The following NSA2 variants were observed in gnomAD, a reference collection of about 807,000 sequenced individuals.
The protein encoded by NSA2 is NSA2 ribosome biogenesis factor.
Under a neutral mutation model 34.8 loss-of-function variants are expected in NSA2, and 18 were observed. That is an observed-to-expected ratio of 0.52 (90% CI 0.36 to 0.77). The LOEUF (loss-of-function observed/expected upper bound fraction) is 0.77, where lower values mean the gene tolerates loss of function less well. Ranked by LOEUF, NSA2 falls within the 30% of genes least tolerant of loss-of-function variation. NSA2 has a pLI of 0.00. For missense variants in NSA2, 188 were observed against 314.7 expected, an observed-to-expected ratio of 0.60 and a Z score of 3.05; for synonymous variants, 79 against 100.2, an observed-to-expected ratio of 0.79 and a Z score of 1.26.
At chr5:74,776,095 G>T (rs1745107960) in intron 5 of NSA2, among the ~76,000 whole-genome samples, 1 of 152,206 alleles carries the variant, frequency 6.6e-6, no homozygotes. Context: ...AACACTATTT[G>T]TATGAAAATT....
rs1175773194 is a variant in NSA2, at chr5:74,778,852, C to T, written c.*2181C>T. ...CTGGACATTCAACAACTAGACTAGCCGGTTGAAATCACATTTTCAGTCCTC... is the reference window on the plus strand; with the variant it reads ...CTGGACATTCAACAACTAGACTAGCTGGTTGAAATCACATTTTCAGTCCTC... On this transcript the variant is annotated 3_prime_UTR_variant, in exon 6 of 6. Transcript: ENST00000610426. The T allele has an allele frequency of 3.3e-5, 5 of 152,140 alleles. No homozygotes were observed. The highest frequency in any genetic ancestry group is 4.1e-4 in the South Asian group (2 of 4,830). The allele number at this position is 152,140 out of a possible 1,614,324, so 9.4% of individuals were successfully genotyped here. A position where few individuals can be genotyped will look rare whatever the true frequency, so the allele number is the denominator to read the frequency against.
intron 5 of NSA2, among the ~76,000 whole-genome samples, chr5:74,774,675 ATAT>A (rs1745054280): frequency 6.6e-6 from 1 of 152,288 alleles, no homozygotes; most frequent in Non-Finnish European, 1.5e-5. Context: ...TAACTAAGAA[ATAT>A]TATAAGAAAA....
rs377653033 is a variant in NSA2 at position 74,773,755 on chromosome 5, T to G, written c.523-113T>G. On this transcript the variant is annotated intron_variant, in intron 4 of 5. Transcript: ENST00000610426. ...TTTGTTAGCTTCTTTAAGATGACAT[T>G]ATTCAACCATAGTTTTTTGGAGATG... 33 of 746,380 alleles carry G rather than the reference T, an allele frequency of 4.4e-5. No homozygotes were observed. In the South Asian group the frequency reaches 7.0e-4, roughly 16 times the overall value. 46.2% of individuals were successfully genotyped at this position (746,380 alleles called of 1,614,324 possible).
At chr5:74,774,912 G>A (rs1031191607) in intron 5 of NSA2, among the ~76,000 whole-genome samples, 69 of 152,058 alleles carry the variant, frequency 4.5e-4, no homozygotes, top group African/African-American at 1.7e-3. Context: ...TCTGTCCCAC[G>A]TAGGTAAACT....
intron 1 of NSA2, 27 bp downstream of exon 1, chr5:74,767,390 GAC>G (rs1744714458): frequency 6.2e-7 from 1 of 1,611,788 alleles, no homozygotes; most frequent in Non-Finnish European, 8.5e-7. Flanking sequence ...GGACGCTCGC[GAC>G]ACACAGCGTC....
intron 4 of NSA2, among the ~76,000 whole-genome samples, chr5:74,771,856 AAAAAAAAAAAAAAG>A (rs1381629508): frequency 4.0e-5 from 3 of 75,106 alleles, no homozygotes; most frequent in African/African-American, 2.1e-4. Flanking sequence ...TCTGTCTCAA[AAAAAAAAAAAAAAG>A]AAAAAAAGAA....
chr5:74,772,580 A>C (rs984989446), intron 4 of NSA2, among the ~76,000 whole-genome samples: 2 of 152,216 alleles, frequency 1.3e-5, no homozygotes, highest in African/African-American at 2.4e-5. Context: ...GACAAAGCCT[A>C]AAGTGTTTAC....
At position 74,776,741 on chromosome 5, in the gene NSA2, T is replaced by C; in HGVS notation, c.*70T>C. ...GAAACTGCCATTACTGTGATGTTTC[T>C]GAATACTACCAAACAGCCATACATG... On this transcript the variant is annotated 3_prime_UTR_variant, in exon 6 of 6. Transcript: ENST00000610426. The C allele has an allele frequency of 1.2e-6, 1 of 812,676 alleles. No homozygotes were observed. The highest frequency in any genetic ancestry group is 2.2e-6 in the Non-Finnish European group (1 of 458,086). 50.3% of individuals were successfully genotyped at this position (812,676 alleles called of 1,614,324 possible).
chr5:74,772,626 C>T (rs921245587), intron 4 of NSA2, among the ~76,000 whole-genome samples: 9 of 152,092 alleles, frequency 5.9e-5, no homozygotes, highest in African/African-American at 1.4e-4. Flanking sequence ...TTGCCCACCC[C>T]GGATTATATC....
chr5:74,771,724 G>C (rs1438443967), intron 4 of NSA2: 1 of 151,692 alleles, frequency 6.6e-6, no homozygotes, highest in Admixed American at 6.6e-5. Flanking sequence ...CATGGTGGCG[G>C]GCGCCTGTAG....
intron 1 of NSA2, 144 bp from the exon 2 acceptor site, chr5:74,768,787 G>A (rs1744809740): frequency 1.6e-6 from 1 of 608,746 alleles, no homozygotes; most frequent in Non-Finnish European, 2.7e-6. Flanking sequence ...CTTACATCAT[G>A]TGAATAAACT....
At chr5:74,774,455 T>C (rs1480400222) in intron 5 of NSA2, among the ~76,000 whole-genome samples, 2 of 151,734 alleles carry the variant, frequency 1.3e-5, no homozygotes, top group Non-Finnish European at 1.5e-5. Flanking sequence ...TACAAAAAAA[T>C]CAGCCGGGTG....
chr5:74,770,568 A>G, intron 3 of NSA2, 63 bp from the exon 4 acceptor site: 1 of 1,292,912 alleles, frequency 7.7e-7, no homozygotes, highest in Non-Finnish European at 1.1e-6. Flanking sequence ...ACTAAAACAT[A>G]TTTGACTTAT....
chr5:74,767,257 C>G lies in NSA2; in HGVS notation c.-104C>G, dbSNP rs1216018780. 3.5e-6 allele frequency: 5 copies of G among 1,422,482 alleles called. No homozygotes were observed. The highest frequency in any genetic ancestry group is 2.9e-5 in the African/African-American group (2 of 69,954). 88.1% of individuals were successfully genotyped at this position (1,422,482 alleles called of 1,614,324 possible). A position where few individuals can be genotyped will look rare whatever the true frequency, so the allele number is the denominator to read the frequency against. ...GGCCGTTTTAAAGGGTGACTCTTTC[C>G]TGTCCCGGCCTGCGTGGTGTGGGCT... is the stretch of plus-strand genomic sequence containing the variant. On this transcript the variant is annotated 5_prime_UTR_variant, in exon 1 of 6. Transcript: ENST00000610426.
In NSA2 at chr5:74,779,759, C is replaced by A. The variant is rs1269658378; in HGVS notation, c.*3088C>A. ...ATAGGGTAATACAATTGTTCAAAAT[C>A]TAACACAAATAGGAGCGTTTACTAT... On this transcript the variant is annotated 3_prime_UTR_variant, in exon 6 of 6. Transcript: ENST00000610426. 1.3e-5 allele frequency: 2 copies of A among 152,044 alleles called. No individual in the cohort carries two copies. The highest frequency in any genetic ancestry group is 4.8e-5 in the African/African-American group (2 of 41,398). 9.4% of individuals were successfully genotyped at this position (152,044 alleles called of 1,614,324 possible).
intron 1 of NSA2, 150 bp from the exon 2 acceptor site, chr5:74,768,781 C>A: frequency 1.7e-6 from 1 of 585,534 alleles, no homozygotes; most frequent in Non-Finnish European, 2.8e-6. Context: ...ATTTAACTTA[C>A]ATCATGTGAA....
At chr5:74,774,133 TAATAA>T (rs1307712524) in intron 5 of NSA2, 73 bp downstream of exon 5, 6 of 1,019,944 alleles carry the variant, frequency 5.9e-6, no homozygotes, top group African/African-American at 3.2e-5. Context: ...GTTGATGTAT[TAATAA>T]AATATACAGC....
At chr5:74,770,939 TTTG>T in intron 4 of NSA2, 129 bp downstream of exon 4, 1 of 780,402 alleles carries the variant, frequency 1.3e-6, no homozygotes, top group Admixed American at 3.6e-5. Context: ...TTATGCAATT[TTTG>T]TTATTTTATT....
chr5:74,774,586 A>G (rs1745050323), intron 5 of NSA2, among the ~76,000 whole-genome samples: 1 of 152,198 alleles, frequency 6.6e-6, no homozygotes, highest in Admixed American at 6.5e-5. Flanking sequence ...ACTGGGAGAC[A>G]GAGCAAATCT....
Sources: allele counts gnomAD v4.1 joint callset (sites outside exome capture counted in the v4.1 genomes callset), GRCh38; gene constraint gnomAD v4.1.1; transcripts MANE v1.5; gene names NCBI Gene and HGNC (gene_info 2026-07-23, HGNC 2026-07-21).